Variants in NBEA observed in about 807,000 individuals in gnomAD.
The protein encoded by NBEA is neurobeachin, also known as lysosomal-trafficking regulator 2.
NBEA carries 44 observed loss-of-function variants against 343.4 expected under a neutral mutation model. That is an observed-to-expected ratio of 0.13 (90% CI 0.10 to 0.16). The LOEUF (loss-of-function observed/expected upper bound fraction) is 0.16, where lower values mean the gene tolerates loss of function less well. Among genes scored for constraint, NBEA ranks in the 10% least tolerant of loss-of-function variants. The pLI, the probability that NBEA is intolerant of heterozygous loss-of-function variation, is 1.00. For synonymous variants in NBEA, 1,175 were observed against 1,238.7 expected, an observed-to-expected ratio of 0.95 and a Z score of 1.08; for missense variants, 2,555 against 3,631.3, an observed-to-expected ratio of 0.70 and a Z score of 7.62.
intron 1 of NBEA, among the ~76,000 whole-genome samples, chr13:34,953,541 T>G (rs1406933648): frequency 6.6e-6 from 1 of 152,162 alleles, no homozygotes; most frequent in African/African-American, 2.4e-5. Context: ...GATATTCCCC[T>G]AAAAGCTATT....
chr13:34,957,254 C>T (rs1483357009), intron 1 of NBEA, among the ~76,000 whole-genome samples: 1 of 152,026 alleles, frequency 6.6e-6, no homozygotes, highest in Non-Finnish European at 1.5e-5. Context: ...CATAGTATTC[C>T]ATTTCCTTCA....
At chr13:35,123,668 G>A in intron 17 of NBEA, 94 bp downstream of exon 17, 1 of 687,042 alleles carries the variant, frequency 1.5e-6, no homozygotes, top group East Asian at 3.6e-5. Flanking sequence ...AATTTGACTT[G>A]AAAAATCTAA....
At chr13:35,045,136 A>T in intron 3 of NBEA, 89 bp downstream of exon 3, 3 of 1,256,892 alleles carry the variant, frequency 2.4e-6, no homozygotes, top group Non-Finnish European at 3.3e-6. Flanking sequence ...TATATACTTG[A>T]ATTTATAATG....
intron 30 of NBEA, chr13:35,186,442 G>A (rs1004578751): frequency 6.6e-5 from 10 of 152,138 alleles, no homozygotes; most frequent in Non-Finnish European, 1.2e-4. Context: ...TTCACAGGTA[G>A]CAAATTAATG....
chr13:35,379,612 C>T (rs1018441563), intron 38 of NBEA, among the ~76,000 whole-genome samples: 17 of 151,512 alleles, frequency 1.1e-4, no homozygotes, highest in African/African-American at 3.6e-4. Flanking sequence ...AAGATGTTCT[C>T]TTAGGTTTTC....
In NBEA at chr13:35,654,960, T is replaced by C. The variant is rs772149250; in HGVS notation, c.8141T>C (p.Leu2714Pro). 4 of 1,573,524 alleles carry C rather than the reference T, an allele frequency of 2.5e-6. No individual in the cohort carries two copies. The East Asian group carries it at 9.5e-5, about 37-fold the overall frequency. ...FVVTADNRYI[L>P]ICGFWDKSFR... ...GTAACAGCAGATAATCGCTATATTC[T>C]TATCTGTGGATTCTGGGATAAGAGC... Residue 2714 changes from leucine to proline, a missense_variant, in exon 54 of 59, where the codon CTT becomes CCT. Around this residue, in one of 21 missense-constraint regions of NBEA, gnomAD observed 186 missense variants for 328.9 expected, o/e 0.57. Transcript: ENST00000379939.
chr13:35,019,688 A>G (rs1188704736), intron 1 of NBEA, among the ~76,000 whole-genome samples: 1 of 152,246 alleles, frequency 6.6e-6, no homozygotes, highest in Admixed American at 6.5e-5. Flanking sequence ...AATTTTTATA[A>G]TAGATATAGG....
At chr13:35,485,998 A>G (rs1340184284) in intron 41 of NBEA, among the ~76,000 whole-genome samples, 1 of 152,086 alleles carries the variant, frequency 6.6e-6, no homozygotes, top group East Asian at 1.9e-4. Flanking sequence ...TAGGTAATTG[A>G]GAAAATTCTC....
intron 39 of NBEA, among the ~76,000 whole-genome samples, chr13:35,444,969 A>G (rs1362996911): frequency 6.6e-6 from 1 of 152,130 alleles, no homozygotes; most frequent in African/African-American, 2.4e-5. Context: ...TCATGCTATC[A>G]TTCCTGTCTT....
At chr13:35,113,248 T>C (rs1834499981) in intron 13 of NBEA, among the ~76,000 whole-genome samples, 1 of 152,182 alleles carries the variant, frequency 6.6e-6, no homozygotes, top group African/African-American at 2.4e-5. Context: ...AGTCATATTG[T>C]ATCTGTCTCC....
intron 46 of NBEA, among the ~76,000 whole-genome samples, chr13:35,584,353 T>A (rs1050406631): frequency 7.4e-4 from 112 of 150,504 alleles, no homozygotes; most frequent in African/African-American, 2.4e-3. Context: ...TCTCTCACTC[T>A]GCCACTGAGG....
chr13:35,355,741 T>G (rs1334736353), intron 38 of NBEA, among the ~76,000 whole-genome samples: 2 of 152,070 alleles, frequency 1.3e-5, no homozygotes, highest in South Asian at 4.1e-4. Flanking sequence ...TCATGTTTGC[T>G]CTGTTTAGAA....
intron 35 of NBEA, among the ~76,000 whole-genome samples, chr13:35,309,011 CTAATTAGCATTAAA>C (rs1356695233): frequency 6.6e-6 from 1 of 151,698 alleles, no homozygotes; most frequent in Non-Finnish European, 1.5e-5. Flanking sequence ...TAACTTTTTT[CTAATTAGCATTAAA>C]TAATTAGCAT....
At chr13:35,323,926 TA>T (rs1668722546) in intron 36 of NBEA, among the ~76,000 whole-genome samples, 1 of 152,216 alleles carries the variant, frequency 6.6e-6, no homozygotes, top group Non-Finnish European at 1.5e-5. Flanking sequence ...ACACATATCA[TA>T]TTTTTTTTGT....
chr13:35,015,363 T>C (rs976248613), intron 1 of NBEA, among the ~76,000 whole-genome samples: 2 of 151,950 alleles, frequency 1.3e-5, no homozygotes, highest in Non-Finnish European at 2.9e-5. Flanking sequence ...TTTAGGAAGG[T>C]GAATTTGGCA....
intron 33 of NBEA, among the ~76,000 whole-genome samples, chr13:35,224,617 TCTTA>T (rs1457235862): frequency 6.6e-6 from 1 of 152,170 alleles, no homozygotes; most frequent in Non-Finnish European, 1.5e-5. Context: ...CTTTACAGTT[TCTTA>T]CTTTTGCTGA....
intron 8 of NBEA, among the ~76,000 whole-genome samples, chr13:35,060,415 T>C (rs931593080): frequency 1.3e-5 from 2 of 151,812 alleles, no homozygotes; most frequent in South Asian, 2.1e-4. Flanking sequence ...ACAGCAGTGA[T>C]AATGAGCAGT....
intron 40 of NBEA, among the ~76,000 whole-genome samples, chr13:35,468,407 T>TC (rs1275122560): frequency 6.6e-6 from 1 of 152,050 alleles, no homozygotes; most frequent in Non-Finnish European, 1.5e-5. Flanking sequence ...TACCAGACAT[T>TC]CCCCTCTTTT....
chr13:35,458,505 C>T (rs1362639335), intron 40 of NBEA, among the ~76,000 whole-genome samples: 2 of 152,144 alleles, frequency 1.3e-5, no homozygotes, highest in Non-Finnish European at 2.9e-5. Context: ...TATCAAAAGA[C>T]AAAACAAAAC....
Sources: gnomAD v4.1 joint callset for allele counts (sites outside exome capture counted in the v4.1 genomes callset) on GRCh38, gnomAD v4.1.1 for gene constraint, gnomAD v4.1.1 regional missense constraint, MANE v1.5 for transcripts, NCBI Gene and HGNC (gene_info 2026-07-23, HGNC 2026-07-21) for gene names.